SLCO3A1: variants seen among roughly 807,000 people sequenced by gnomAD.
SLCO3A1 encodes PGE1 transporter.
Under a neutral mutation model 63.1 loss-of-function variants are expected in SLCO3A1, and 27 were observed. The observed-to-expected ratio is 0.43, with a 90% CI of 0.32 to 0.59. The LOEUF (loss-of-function observed/expected upper bound fraction) is 0.59. Among genes scored for constraint, SLCO3A1 ranks in the 20% least tolerant of loss-of-function variants. The pLI, the probability that SLCO3A1 is intolerant of heterozygous loss-of-function variation, is 0.09. For synonymous variants in SLCO3A1, 473 were observed against 409.9 expected (o/e 1.15, Z -1.86); for missense variants, 773 against 945.8 (o/e 0.82, Z 2.40).
chr15:92,051,083 G>A (rs958770535), intron 2 of SLCO3A1, among the ~76,000 whole-genome samples: 1 of 152,146 alleles, frequency 6.6e-6, no homozygotes, highest in Admixed American at 6.5e-5. Context: ...TTTCTCCATA[G>A]TATTATTACC....
chr15:91,909,992 C>T (rs924099197), intron 1 of SLCO3A1, among the ~76,000 whole-genome samples: 2 of 152,168 alleles, frequency 1.3e-5, no homozygotes, highest in African/African-American at 4.8e-5. Flanking sequence ...TGCAGAAGAG[C>T]GGCTCCTGCT....
intron 2 of SLCO3A1, among the ~76,000 whole-genome samples, chr15:91,945,819 C>G (rs1899787728): frequency 6.6e-6 from 1 of 152,160 alleles, no homozygotes. Flanking sequence ...ACATGTCACC[C>G]TGGGCTACCA....
At chr15:92,075,770 C>T (rs747774111) in intron 2 of SLCO3A1, among the ~76,000 whole-genome samples, 1 of 152,222 alleles carries the variant, frequency 6.6e-6, no homozygotes, top group East Asian at 1.9e-4. Flanking sequence ...CTCCATCCTG[C>T]TCCACAGGAC....
Position 91,860,332 on chromosome 15 carries a change from C to G in SLCO3A1, c.180+6244C>G, listed in dbSNP as rs1897017705. Among the ~76,000 whole-genome samples, 1 of 152,186 alleles carries G rather than the reference C, an allele frequency of 6.6e-6. No individual in the cohort carries two copies. The highest frequency in any genetic ancestry group is 1.5e-5 in the Non-Finnish European group (1 of 68,028). ...GCTATTTCCCAGCTCCTGGCAACTTCACTTACTCGAGCCTCAATAGCCTCA... is the reference window on the plus strand; with the variant it reads ...GCTATTTCCCAGCTCCTGGCAACTTGACTTACTCGAGCCTCAATAGCCTCA... On this transcript the variant is annotated intron_variant, in intron 1 of 9. Coordinates refer to ENST00000318445, the MANE Select transcript of SLCO3A1 (RefSeq NM_013272.4). This position sits in a 1 kb window ranked among gnomAD's most constrained non-coding sequence, Gnocchi z 5.5.
intron 1 of SLCO3A1, among the ~76,000 whole-genome samples, chr15:91,914,961 G>A (rs1344556696): frequency 4.6e-5 from 7 of 152,034 alleles, no homozygotes; most frequent in South Asian, 4.1e-4. Flanking sequence ...CCTACTCAGC[G>A]AGGACATCAT....
chr15:92,010,110 C>G (rs1567064684), intron 2 of SLCO3A1, among the ~76,000 whole-genome samples: 1 of 152,178 alleles, frequency 6.6e-6, no homozygotes, highest in Non-Finnish European at 1.5e-5. Context: ...CCACATGACA[C>G]TTAGGATCTT....
intron 7 of SLCO3A1, among the ~76,000 whole-genome samples, chr15:92,129,647 G>A (rs1436399096): frequency 6.6e-6 from 1 of 152,192 alleles, no homozygotes; most frequent in Non-Finnish European, 1.5e-5. Flanking sequence ...AAGGCATAGT[G>A]GGAAGGAAAA....
intron 3 of SLCO3A1, among the ~76,000 whole-genome samples, chr15:92,101,895 C>G (rs1323207059): frequency 1.3e-5 from 2 of 152,098 alleles, no homozygotes; most frequent in Non-Finnish European, 2.9e-5. Context: ...TCAGCTTTCC[C>G]CAGACATACA....
intron 2 of SLCO3A1, among the ~76,000 whole-genome samples, chr15:92,084,997 A>T (rs2047388685): frequency 6.6e-6 from 1 of 152,140 alleles, no homozygotes; most frequent in African/African-American, 2.4e-5. Context: ...GATGTTTATG[A>T]AGTGCTTCAT....
At position 91,942,965 on chromosome 15, in the gene SLCO3A1, G is replaced by A. The variant is rs535788846; in HGVS notation, c.646+26507G>A. 7.9e-5 allele frequency among the ~76,000 whole-genome samples: 12 copies of A among 152,310 alleles called. No individual in the cohort carries two copies. The highest frequency in any genetic ancestry group is 3.4e-3 in the Middle Eastern group (1 of 294). On this transcript the variant is annotated intron_variant, in intron 2 of 9. Transcript: ENST00000318445. This position sits in a 1 kb window ranked among gnomAD's most constrained non-coding sequence, Gnocchi z 4.1. ...GCCCAGGGCCCAGCCGTTTGACCTC[G>A]TTCTGCCTCCCTTTCTCTCCTAAAA...
chr15:92,130,648 G>A (rs570968654), intron 7 of SLCO3A1, among the ~76,000 whole-genome samples: 14 of 152,248 alleles, frequency 9.2e-5, no homozygotes, highest in African/African-American at 2.4e-4. Flanking sequence ...TTTGTCGAGA[G>A]CCTATTAAGG....
chr15:91,971,464 G>A (rs1189693937), intron 2 of SLCO3A1, among the ~76,000 whole-genome samples: 1 of 142,606 alleles, frequency 7.0e-6, no homozygotes, highest in African/African-American at 2.6e-5. Flanking sequence ...TATCCTTTTT[G>A]TTGTCTATTT....
intron 1 of SLCO3A1, among the ~76,000 whole-genome samples, chr15:91,904,594 A>G (rs1445794459): frequency 1.3e-5 from 2 of 152,174 alleles, no homozygotes; most frequent in African/African-American, 4.8e-5. Context: ...GATACACTAA[A>G]ATAGGAGTAG....
intron 1 of SLCO3A1, among the ~76,000 whole-genome samples, chr15:91,909,771 A>G (rs2151375674): frequency 6.6e-6 from 1 of 152,196 alleles, no homozygotes. Flanking sequence ...TCTCGCAGGG[A>G]CCTTTCGGCT....
At chr15:92,102,665 C>T (rs183389118) in intron 3 of SLCO3A1, among the ~76,000 whole-genome samples, 130 of 152,278 alleles carry the variant, frequency 8.5e-4, no homozygotes, top group Middle Eastern at 6.8e-3. Context: ...GCTATTGTTG[C>T]GCTGGGTGTA....
Position 91,963,914 on chromosome 15 carries a change from T to G in SLCO3A1, c.646+47456T>G, listed in dbSNP as rs186663463. 2.4e-4 allele frequency among the ~76,000 whole-genome samples: 37 copies of G among 152,268 alleles called. 1 individual carries two copies. Among genetic ancestry groups the G allele is most frequent in the Admixed American group, 5.9e-4 (9 of 15,294 alleles). On this transcript the variant is annotated intron_variant, in intron 2 of 9. Transcript: ENST00000318445. ...GCTATTTCGGGTGGCCAGCTTTTAT[T>G]CCCTTATTTGGCCCCGCCCACATCC...
chr15:91,901,176 GTATGA>G (rs1373218421), intron 1 of SLCO3A1, among the ~76,000 whole-genome samples: 5 of 152,130 alleles, frequency 3.3e-5, no homozygotes, highest in Admixed American at 6.5e-5. Context: ...GTGATTGCAT[GTATGA>G]TATATGTCTT....
At chr15:92,127,107 G>A (rs1006847136) in intron 6 of SLCO3A1, among the ~76,000 whole-genome samples, 2 of 152,236 alleles carry the variant, frequency 1.3e-5, no homozygotes, top group African/African-American at 4.8e-5. Flanking sequence ...CTTTCTGTAT[G>A]TCTGTGTACA....
In SLCO3A1 at chr15:92,128,464, C is replaced by T. The variant is rs533020681; in HGVS notation, c.1487C>T (p.Ala496Val). 2.2e-5 allele frequency: 35 copies of T among 1,613,724 alleles called. No individual in the cohort carries two copies. The highest frequency in any genetic ancestry group is 2.8e-5 in the Non-Finnish European group (33 of 1,179,890). ...GCAGATGGCATCACCTACCTGTCTG[C>T]CTGCTTTGCTGGCTGCAACAGCACG... Reference protein sequence around the residue: ...CGADGITYLSACFAGCNSTNL... With the variant: ...CGADGITYLSVCFAGCNSTNL... Residue 496 changes from alanine to valine, a missense_variant, in exon 7 of 10, where the codon GCC becomes GTC. Physicochemically the swap from Ala to Val is moderately conservative, Grantham distance 64 (BLOSUM62 0). Transcript: ENST00000318445.
Sources: allele counts gnomAD v4.1 joint callset (sites outside exome capture counted in the v4.1 genomes callset), GRCh38; gene constraint gnomAD v4.1.1; non-coding constraint Gnocchi (gnomAD v3.1); transcripts MANE v1.5; gene names NCBI Gene and HGNC (gene_info 2026-07-23, HGNC 2026-07-21).